The following CTNND2 variants were observed in gnomAD, a reference collection of about 807,000 sequenced individuals.
CTNND2 encodes catenin delta-2.
In CTNND2, 22 loss-of-function variants were observed where a neutral mutation model predicts 144.4. The ratio of observed to expected loss-of-function variants is 0.15; its 90% confidence interval spans 0.11 to 0.22. The LOEUF is 0.22. CTNND2 is among the 10% of genes least tolerant of loss of function. The probability of loss-of-function intolerance (pLI) is 1.00; values close to 1 mark genes in which losing one functional copy is unlikely to be tolerated. For synonymous variants in CTNND2, 751 were observed against 695.6 expected (o/e 1.08, Z -1.25); for missense variants, 1,353 against 1,618.8 (o/e 0.84, Z 2.82).
chr5:11,037,469 A>G (rs1227143707), intron 16 of CTNND2, among the ~76,000 whole-genome samples: 3 of 152,202 alleles, frequency 2.0e-5, no homozygotes, highest in African/African-American at 7.2e-5. Context: ...ATATCAGCTG[A>G]TATCACCACC....
intron 2 of CTNND2, among the ~76,000 whole-genome samples, chr5:11,718,450 C>G (rs748356687): frequency 1.2e-4 from 19 of 152,116 alleles, no homozygotes; most frequent in Non-Finnish European, 2.2e-4. Flanking sequence ...ATTCTATGTG[C>G]TGACTGAGAT....
At chr5:11,464,362 A>G (rs1167388324) in intron 3 of CTNND2, among the ~76,000 whole-genome samples, 1 of 152,160 alleles carries the variant, frequency 6.6e-6, no homozygotes, top group Non-Finnish European at 1.5e-5. Flanking sequence ...AGGCATGGTG[A>G]TCACTGGGAG....
chr5:11,520,835 G>A (rs1420641160), intron 3 of CTNND2, among the ~76,000 whole-genome samples: 3 of 152,166 alleles, frequency 2.0e-5, no homozygotes, highest in African/African-American at 7.2e-5. Context: ...TTAGCACCTA[G>A]CAGTTTGTGA....
chr5:11,432,335 C>A (rs1205906489), intron 3 of CTNND2, among the ~76,000 whole-genome samples: 1 of 149,482 alleles, frequency 6.7e-6, no homozygotes, highest in African/African-American at 2.5e-5. Flanking sequence ...GACATCTGGG[C>A]AGAAATGTGG....
intron 19 of CTNND2, among the ~76,000 whole-genome samples, chr5:10,989,382 A>G (rs1260275031): frequency 6.6e-6 from 1 of 152,180 alleles, no homozygotes; most frequent in East Asian, 1.9e-4. Context: ...TTGAGAATTT[A>G]TGGATGCCCA....
chr5:11,330,413 G>GGT (rs1424682621), intron 9 of CTNND2, among the ~76,000 whole-genome samples: 35 of 146,594 alleles, frequency 2.4e-4, no homozygotes, highest in Non-Finnish European at 4.8e-4. Flanking sequence ...GAACCTGGGA[G>GGT]GTGGAGCTTG....
chr5:11,402,110 G>T lies in CTNND2; in HGVS notation c.440-4907C>A, dbSNP rs1186927088. On this transcript the variant is annotated intron_variant, in intron 5 of 21. Coordinates refer to ENST00000304623, the MANE Select transcript of CTNND2 (RefSeq NM_001332.4). ...CATACAAGGCACAGTTCATTAAAATGGCCTGCATGCAATAAAACAACAACA... is the reference window on the plus strand; with the variant it reads ...CATACAAGGCACAGTTCATTAAAATTGCCTGCATGCAATAAAACAACAACA... Among the ~76,000 whole-genome samples the T allele has an allele frequency of 2.0e-5, 3 of 152,032 alleles. No homozygotes were observed. The South Asian group carries it at 6.2e-4, about 32-fold the overall frequency.
chr5:11,402,882 T>C (rs911553760), intron 5 of CTNND2, among the ~76,000 whole-genome samples: 5 of 152,226 alleles, frequency 3.3e-5, no homozygotes, highest in Non-Finnish European at 4.4e-5. Flanking sequence ...CCCAGGAATA[T>C]AGAAGTACCC....
chr5:11,310,178 G>C (rs950852997), intron 9 of CTNND2, among the ~76,000 whole-genome samples: 2 of 152,084 alleles, frequency 1.3e-5, no homozygotes, highest in Admixed American at 6.5e-5. Flanking sequence ...TCCTGGGCTA[G>C]GCAGTGGCTA....
intron 9 of CTNND2, among the ~76,000 whole-genome samples, chr5:11,246,073 C>G (rs1580699132): frequency 1.3e-5 from 2 of 152,340 alleles, no homozygotes; most frequent in East Asian, 1.9e-4. Context: ...CCTCTCACTC[C>G]TCCAAACAAT....
chr5:11,677,506 TA>T (rs1259231639), intron 2 of CTNND2, among the ~76,000 whole-genome samples: 6 of 152,342 alleles, frequency 3.9e-5, no homozygotes, highest in African/African-American at 1.4e-4. Flanking sequence ...TGATACCAGA[TA>T]GACTACTATA....
intron 10 of CTNND2, among the ~76,000 whole-genome samples, chr5:11,230,138 A>C (rs1355936829): frequency 7.0e-6 from 1 of 143,644 alleles, no homozygotes. Flanking sequence ...AACACCACAT[A>C]TTCTCACTCA....
intron 1 of CTNND2, among the ~76,000 whole-genome samples, chr5:11,816,593 C>A (rs1315518262): frequency 8.2e-6 from 1 of 122,444 alleles, no homozygotes; most frequent in African/African-American, 3.2e-5. Context: ...AAGTGCAGAG[C>A]AGGTAGGGGA....
chr5:11,333,048 C>T (rs1269715607), intron 9 of CTNND2, among the ~76,000 whole-genome samples: 1 of 152,226 alleles, frequency 6.6e-6, no homozygotes, highest in Non-Finnish European at 1.5e-5. Context: ...CCTTTATCAG[C>T]AGTGTGAAAA....
intron 2 of CTNND2, among the ~76,000 whole-genome samples, chr5:11,627,330 C>A (rs769630893): frequency 7.9e-5 from 12 of 152,134 alleles, no homozygotes; most frequent in Non-Finnish European, 1.6e-4. Flanking sequence ...GGTGGAGTTA[C>A]CAGCAGTTCT....
intron 3 of CTNND2, among the ~76,000 whole-genome samples, chr5:11,435,408 C>A (rs191930649): frequency 1.7e-4 from 26 of 152,178 alleles, no homozygotes; most frequent in Admixed American, 1.5e-3. Context: ...TCCCAAAGTG[C>A]AGGGATTACA....
intron 2 of CTNND2, among the ~76,000 whole-genome samples, chr5:11,616,543 C>T (rs1780589311): frequency 1.3e-5 from 2 of 151,602 alleles, no homozygotes; most frequent in Non-Finnish European, 2.9e-5. Context: ...TCCTTCCTTG[C>T]TTCCTTTCTC....
chr5:11,820,737 C>T (rs1286347355), intron 1 of CTNND2, among the ~76,000 whole-genome samples: 1 of 152,124 alleles, frequency 6.6e-6, no homozygotes, highest in Non-Finnish European at 1.5e-5. Context: ...CTCAATAATT[C>T]TTGCTCTATG....
chr5:11,589,687 ATTCT>A (rs1240170960), intron 2 of CTNND2, among the ~76,000 whole-genome samples: 4 of 152,144 alleles, frequency 2.6e-5, no homozygotes, highest in Non-Finnish European at 5.9e-5. Flanking sequence ...CTTTTACCTG[ATTCT>A]TTCTATTTTA....
Sources: gnomAD v4.1 joint callset for allele counts (sites outside exome capture counted in the v4.1 genomes callset) on GRCh38, gnomAD v4.1.1 for gene constraint, MANE v1.5 for transcripts, NCBI Gene and HGNC (gene_info 2026-07-23, HGNC 2026-07-21) for gene names.